CTSL: variants seen among roughly 807,000 people sequenced by gnomAD.
CTSL encodes the protein cathepsin L.
A neutral mutation model predicts 34.7 loss-of-function variants in CTSL; 23 were observed. The observed-to-expected ratio is 0.66, with a 90% CI of 0.48 to 0.94. The LOEUF (loss-of-function observed/expected upper bound fraction) is 0.94. Ranked by LOEUF, CTSL falls within the 40% of genes least tolerant of loss-of-function variation. The pLI, the probability that CTSL is intolerant of heterozygous loss-of-function variation, is 0.00. For synonymous variants in CTSL, 129 were observed against 136.7 expected (o/e 0.94, Z 0.39); for missense variants, 361 against 406.3 (o/e 0.89, Z 0.96).
At chr9:87,727,963 C>G (rs1377035120) in intron 2 of CTSL, 64 bp from the exon 3 acceptor site, 1 of 1,602,102 alleles carries the variant, frequency 6.2e-7, no homozygotes, top group Non-Finnish European at 8.5e-7. Context: ...TGCAGATTCA[C>G]TTGGTGAGGA....
intron 7 of CTSL, 38 bp downstream of exon 7, chr9:87,730,536 A>G (rs761226229): frequency 1.4e-6 from 2 of 1,397,012 alleles, no homozygotes; most frequent in Admixed American, 3.6e-5. Flanking sequence ...TGAAATTCAA[A>G]AGAGAATACT....
chr9:87,727,838 G>C, intron 2 of CTSL, 109 bp downstream of exon 2: 12 of 1,452,168 alleles, frequency 8.3e-6, no homozygotes, highest in Non-Finnish European at 1.1e-5. Flanking sequence ...ATAACCTAAT[G>C]GCGTGGATTA....
At chr9:87,730,340 C>G in intron 6 of CTSL, 41 bp from the exon 7 acceptor site, 1 of 1,412,466 alleles carries the variant, frequency 7.1e-7, no homozygotes, top group East Asian at 2.3e-5. Context: ...GTCATGTGTC[C>G]TCTGGAGCTT....
In CTSL at chr9:87,727,869, A is replaced by T. The variant is rs146147990; in HGVS notation, c.126+140A>T. On this transcript the variant is annotated intron_variant, in intron 2 of 7. Coordinates refer to ENST00000343150, the MANE Select transcript of CTSL (RefSeq NM_001912.5). ...GATTATGAGCACAATGTGGACATTC[A>T]TCCTTGTTGTGTCTCAGTTTGGAGA... 9.2e-5 allele frequency: 129 copies of T among 1,399,112 alleles called. 1 individual carries two copies. In the African/African-American group the frequency reaches 1.7e-3, roughly 18 times the overall value. The allele number at this position is 1,399,112 out of a possible 1,614,324, so 86.7% of individuals were successfully genotyped here.
In CTSL at chr9:87,728,767, T is replaced by C. The variant is rs1180375121; in HGVS notation, c.579T>C (p.Asn193=). ...MDYAFQYVQD[N]GGLDSEESYP... ...ATGCTTTCCAGTATGTTCAGGATAA[T>C]GGAGGCCTGGACTCTGAGGAATCCT... is the stretch of plus-strand genomic sequence containing the variant. The change falls in exon 5 of 8, where the codon AAT becomes AAC. Residue 193 remains asparagine (N), a synonymous_variant. Transcript: ENST00000343150. 1.2e-6 allele frequency: 2 copies of C among 1,614,112 alleles called. No individual in the cohort carries two copies. Among genetic ancestry groups the C allele is most frequent in the Admixed American group, 1.7e-5 (1 of 60,008 alleles).
At position 87,730,992 on chromosome 9, in the gene CTSL, C is replaced by G. The variant is rs752556450; in HGVS notation, c.903-16C>G. 4.8e-5 allele frequency: 77 copies of G among 1,609,736 alleles called. No homozygotes were observed. Among genetic ancestry groups the G allele is most frequent in the Non-Finnish European group, 6.4e-5 (75 of 1,176,396 alleles). ...TTTATTCTTTCTCTGAAATGGAAAA[C>G]CTGCTCTTTTTTCAGCTGGGGTGAA... On this transcript the variant is annotated splice_polypyrimidine_tract_variant and intron_variant, in intron 7 of 7. Coordinates refer to ENST00000343150, the MANE Select transcript of CTSL (RefSeq NM_001912.5).
chr9:87,728,157 T>C lies in CTSL; in HGVS notation c.249+8T>C, dbSNP rs1250226039. On this transcript the variant is annotated splice_region_variant and intron_variant, in intron 3 of 7. Transcript: ENST00000343150. ...AACGCCTTTGGAGACATGGTAAGTG[T>C]GCTGTGGACTGCCGAGCTCTGTGCT... The C allele has an allele frequency of 3.7e-6, 6 of 1,614,130 alleles. No individual in the cohort carries two copies. The African/African-American group carries it at 8.0e-5, about 22-fold the overall frequency.
rs138353727 is a variant in CTSL at position 87,731,038 on chromosome 9, C to T, written c.933C>T (p.Tyr311=). Residue 311 remains tyrosine (Y), a synonymous_variant, in exon 8 of 8, where the codon TAC becomes TAT. Transcript: ENST00000343150. ...SWGEEWGMGG[Y]VKMAKDRRNH... ...GTGAAGAATGGGGCATGGGTGGCTA[C>T]GTAAAGATGGCCAAAGACCGGAGAA... The T allele has an allele frequency of 4.2e-5, 67 of 1,613,944 alleles. No individual in the cohort carries two copies. In the East Asian group the frequency reaches 9.6e-4, roughly 23 times the overall value.
chr9:87,730,898 CT>C (rs760925512), intron 7 of CTSL, 109 bp from the exon 8 acceptor site: 13 of 804,746 alleles, frequency 1.6e-5, no homozygotes, highest in Admixed American at 1.3e-4. Context: ...TGTCCTGATT[CT>C]TTCTGTTAAG....
At position 87,730,515 on chromosome 9, in the gene CTSL, A is replaced by G. The variant is rs770303142; in HGVS notation, c.902+17A>G. 1 of 1,522,672 alleles carries G rather than the reference A, an allele frequency of 6.6e-7. No homozygotes were observed. Among genetic ancestry groups the G allele is most frequent in the South Asian group, 1.1e-5 (1 of 87,184 alleles). The allele number at this position is 1,522,672 out of a possible 1,614,324, so 94.3% of individuals were successfully genotyped here. ...GAAGAACAGGTATAAATTGCCAGAA[A>G]TACTTACATTTGAAATTCAAAAGAG... On this transcript the variant is annotated intron_variant, in intron 7 of 7. Transcript: ENST00000343150.
rs1826109118 is a variant in CTSL at position 87,728,265 on chromosome 9, A to C, written c.265A>C (p.Arg89=). 2 of 1,614,058 alleles carry C rather than the reference A, an allele frequency of 1.2e-6. No individual in the cohort carries two copies. Among genetic ancestry groups the C allele is most frequent in the Admixed American group, 1.7e-5 (1 of 60,000 alleles). The change falls in exon 4 of 8, where the codon AGG becomes CGG. Residue 89 remains arginine, a synonymous_variant. Coordinates refer to ENST00000343150, the MANE Select transcript of CTSL (RefSeq NM_001912.5). Reference sequence around the variant, plus strand: ...TTCCTTGAAGACCAGTGAAGAATTCAGGCAGGTGATGAATGGCTTTCAAAA... The same window carrying C: ...TTCCTTGAAGACCAGTGAAGAATTCCGGCAGGTGATGAATGGCTTTCAAAA... ...AFGDMTSEEF[R]QVMNGFQNRK...
At chr9:87,726,849 C>T (rs922210928) in intron 1 of CTSL, among the ~76,000 whole-genome samples, 1 of 152,072 alleles carries the variant, frequency 6.6e-6, no homozygotes, top group Admixed American at 6.5e-5. Flanking sequence ...TCGAGACCAG[C>T]CTGGCCAACA....
In CTSL at chr9:87,731,118, G is replaced by C. The variant is rs370032344; in HGVS notation, c.*11G>C. On this transcript the variant is annotated 3_prime_UTR_variant, in exon 8 of 8. Coordinates refer to ENST00000343150, the MANE Select transcript of CTSL (RefSeq NM_001912.5). Reference sequence around the variant, plus strand: ...TACCCCACTGTGTGAGCTGGTGGACGGTGATGAGGAAGGACTTGACTGGGG... The same window carrying C: ...TACCCCACTGTGTGAGCTGGTGGACCGTGATGAGGAAGGACTTGACTGGGG... 7.4e-4 allele frequency: 1,186 copies of C among 1,608,934 alleles called. No homozygotes were observed. The highest frequency in any genetic ancestry group is 9.3e-4 in the Non-Finnish European group (1,096 of 1,175,754).
rs1306326423 is a variant in CTSL, at chr9:87,729,508, A to C, written c.622-65A>C. The C allele has an allele frequency of 1.3e-5, 19 of 1,453,892 alleles. No homozygotes were observed. In the East Asian group the frequency reaches 4.3e-4, roughly 33 times the overall value. The allele number at this position is 1,453,892 out of a possible 1,614,324, so 90.1% of individuals were successfully genotyped here. A position where few individuals can be genotyped will look rare whatever the true frequency, so the allele number is the denominator to read the frequency against. On this transcript the variant is annotated intron_variant, in intron 5 of 7. Coordinates refer to ENST00000343150, the MANE Select transcript of CTSL (RefSeq NM_001912.5). The stretch of plus-strand genomic sequence containing the variant: ...GCACACTGCTGAGTGTTGTGGTTCT[A>C]ACTCATGTTCTCCAGGAGGAGGACA...
Position 87,731,038 on chromosome 9 carries a change from C to A in CTSL, c.933C>A (p.Tyr311Ter). ...GTGAAGAATGGGGCATGGGTGGCTA[C>A]GTAAAGATGGCCAAAGACCGGAGAA... ...SWGEEWGMGG[Y>*]VKMAKDRRNH... The change falls in exon 8 of 8, where the codon TAC becomes TAA. Residue 311 changes from tyrosine (Y) to a stop codon, truncating the protein, a stop_gained. Coordinates refer to ENST00000343150, the MANE Select transcript of CTSL (RefSeq NM_001912.5). LOFTEE classifies it low-confidence loss of function (END_TRUNC). 1 of 1,613,944 alleles carries A rather than the reference C, an allele frequency of 6.2e-7. No individual in the cohort carries two copies. The highest frequency in any genetic ancestry group is 1.1e-5 in the South Asian group (1 of 91,046).
rs1486977706 is a variant in CTSL at position 87,728,273 on chromosome 9, G to A, written c.273G>A (p.Val91=). 11 of 1,614,200 alleles carry A rather than the reference G, an allele frequency of 6.8e-6. No individual in the cohort carries two copies. Among genetic ancestry groups the A allele is most frequent in the Non-Finnish European group, 9.3e-6 (11 of 1,180,038 alleles). The change falls in exon 4 of 8, where the codon GTG becomes GTA. Residue 91 remains valine (V), a synonymous_variant. Transcript: ENST00000343150. Reference sequence around the variant, plus strand: ...AGACCAGTGAAGAATTCAGGCAGGTGATGAATGGCTTTCAAAACCGTAAGC... The same window carrying A: ...AGACCAGTGAAGAATTCAGGCAGGTAATGAATGGCTTTCAAAACCGTAAGC... ...GDMTSEEFRQ[V]MNGFQNRKPR...
In CTSL at chr9:87,731,002, T is replaced by G; in HGVS notation, c.903-6T>G. The G allele has an allele frequency of 5.6e-6, 9 of 1,613,504 alleles. No individual in the cohort carries two copies. Among genetic ancestry groups the G allele is most frequent in the Non-Finnish European group, 5.9e-6 (7 of 1,179,506 alleles). ...CTCTGAAATGGAAAACCTGCTCTTTTTTCAGCTGGGGTGAAGAATGGGGCA... is the reference window on the plus strand; with the variant it reads ...CTCTGAAATGGAAAACCTGCTCTTTGTTCAGCTGGGGTGAAGAATGGGGCA... On this transcript the variant is annotated splice_region_variant and splice_polypyrimidine_tract_variant and intron_variant, in intron 7 of 7. Transcript: ENST00000343150.
rs1226885290 is a variant in CTSL at position 87,727,713 on chromosome 9, A to G, written c.110A>G (p.Asn37Ser). 2 of 1,614,164 alleles carry G rather than the reference A, an allele frequency of 1.2e-6. No homozygotes were observed. The highest frequency in any genetic ancestry group is 1.7e-6 in the Non-Finnish European group (2 of 1,180,036). The change falls in exon 2 of 8, where the codon AAC (asparagine) becomes AGC (serine). Residue 37 changes from asparagine (N) to serine (S), a missense_variant. Asn to Ser is a conservative substitution (Grantham distance 46, BLOSUM62 1). Transcript: ENST00000343150. ...TGGACCAAGTGGAAGGCGATGCACA[A>G]CAGATTATACGGCATGGTTAGTGAA... ...AQWTKWKAMH[N>S]RLYGMNEEGW...
chr9:87,727,521 A>G, intron 1 of CTSL, 73 bp from the exon 2 acceptor site: 1 of 1,473,824 alleles, frequency 6.8e-7, no homozygotes, highest in East Asian at 2.3e-5. Flanking sequence ...TGGTGGCCCT[A>G]ATTTTTCAGG....
Sources: allele counts gnomAD v4.1 joint callset (sites outside exome capture counted in the v4.1 genomes callset), GRCh38; gene constraint gnomAD v4.1.1; transcripts MANE v1.5; gene names NCBI Gene and HGNC (gene_info 2026-07-23, HGNC 2026-07-21).